Variants in SEPTIN6 observed in about 807,000 individuals in gnomAD.
The protein encoded by SEPTIN6 is septin-6.
A neutral mutation model predicts 33.6 loss-of-function variants in SEPTIN6; 8 were observed. The observed-to-expected ratio is 0.24, with a 90% CI of 0.14 to 0.43. SEPTIN6 has a LOEUF of 0.43. Ranked by LOEUF, SEPTIN6 falls within the 20% of genes least tolerant of loss-of-function variation. The probability of loss-of-function intolerance (pLI) is 1.00; values close to 1 mark genes in which losing one functional copy is unlikely to be tolerated. For synonymous variants in SEPTIN6, 131 were observed against 140.0 expected (o/e 0.94, Z 0.45); for missense variants, 250 against 340.8 (o/e 0.73, Z 2.10).
intron 2 of SEPTIN6, among the ~76,000 whole-genome samples, chrX:119,673,756 C>A (rs1217197468): frequency 9.9e-6 from 1 of 101,373 alleles, no homozygotes; most frequent in Non-Finnish European, 2.0e-5. Flanking sequence ...GCAGGAGAAT[C>A]GCTTGAACCC....
At chrX:119,691,146 C>T (rs752257133) in intron 1 of SEPTIN6, among the ~76,000 whole-genome samples, 1 of 111,437 alleles carries the variant, frequency 9.0e-6, no homozygotes, top group Non-Finnish European at 1.9e-5. Flanking sequence ...CCCTAAAGCA[C>T]CCCCTCACCC....
In SEPTIN6 at chrX:119,618,477, C is replaced by A; in HGVS notation, c.*1616G>T. 1 of 908,111 alleles carries A rather than the reference C, an allele frequency of 1.1e-6. No individual in the cohort carries two copies. The highest frequency in any genetic ancestry group is 1.4e-6 in the Non-Finnish European group (1 of 736,528). The allele number at this position is 908,111 out of a possible 1,213,427, so 74.8% of individuals were successfully genotyped here. A position where few individuals can be genotyped will look rare whatever the true frequency, so the allele number is the denominator to read the frequency against. On this transcript the variant is annotated 3_prime_UTR_variant, in exon 11 of 11. Coordinates refer to ENST00000394610, the MANE Select transcript of SEPTIN6 (RefSeq NM_145799.4). ...CCCCTTCTCAATACTTCAAAAAGGC[C>A]TGGAAATTTGGCATAACCTTGTTTG...
At position 119,619,971 on chromosome X, in the gene SEPTIN6, C is replaced by G; in HGVS notation, c.*122G>C. On this transcript the variant is annotated 3_prime_UTR_variant, in exon 11 of 11. Transcript: ENST00000394610. ...GGGCGCGGGTTGGATTGTATGCCCCCCAGGCATGTTAAGGGGGAAATTAGA... is the reference window on the plus strand; with the variant it reads ...GGGCGCGGGTTGGATTGTATGCCCCGCAGGCATGTTAAGGGGGAAATTAGA... 3.3e-6 allele frequency: 4 copies of G among 1,200,195 alleles called. No homozygotes were observed. The highest frequency in any genetic ancestry group is 3.6e-5 in the South Asian group (2 of 54,929).
At chrX:119,631,318 C>T (rs770724545) in intron 8 of SEPTIN6, among the ~76,000 whole-genome samples, 51 of 108,986 alleles carry the variant, frequency 4.7e-4, no homozygotes, top group Non-Finnish European at 8.2e-4. Flanking sequence ...GTAGCTGGGA[C>T]TACAGGCACG....
chrX:119,676,742 G>A (rs1317452631), intron 1 of SEPTIN6, among the ~76,000 whole-genome samples: 1 of 111,396 alleles, frequency 9.0e-6, no homozygotes, highest in South Asian at 3.7e-4. Flanking sequence ...CTGCACTCCC[G>A]CCCAGGTGAG....
In SEPTIN6 at chrX:119,621,730, G is replaced by A. The variant is rs779584341; in HGVS notation, c.*42-1679C>T. On this transcript the variant is annotated intron_variant, in intron 10 of 10. Transcript: ENST00000394610. Reference sequence around the variant, plus strand: ...TGGTATTGAACTCCTGACCTCGGGTGATCCTCCTGCCTCGGCCTTCCAAAG... The same window carrying A: ...TGGTATTGAACTCCTGACCTCGGGTAATCCTCCTGCCTCGGCCTTCCAAAG... Among the ~76,000 whole-genome samples the A allele has an allele frequency of 3.7e-3, 396 of 107,035 alleles. 2 individuals are homozygous for A. Among genetic ancestry groups the A allele is most frequent in the African/African-American group, 0.013 (379 of 29,227 alleles). The allele number at this position is 107,035 out of a possible 115,157, so 92.9% of individuals were successfully genotyped here. A position where few individuals can be genotyped will look rare whatever the true frequency, so the allele number is the denominator to read the frequency against.
At chrX:119,634,836 C>A (rs1201706069) in intron 7 of SEPTIN6, among the ~76,000 whole-genome samples, 2 of 108,696 alleles carry the variant, frequency 1.8e-5, no homozygotes, top group Non-Finnish European at 3.8e-5. Flanking sequence ...TGGTGAAACC[C>A]CATCTCTAAT....
chrX:119,659,729 C>T (rs2054506408), intron 3 of SEPTIN6, among the ~76,000 whole-genome samples: 1 of 111,511 alleles, frequency 9.0e-6, no homozygotes, highest in Non-Finnish European at 1.9e-5. Flanking sequence ...AATTTAAGTA[C>T]CTTGTTCAAG....
chrX:119,649,397 C>T (rs2054316684), intron 5 of SEPTIN6, among the ~76,000 whole-genome samples: 1 of 105,520 alleles, frequency 9.5e-6, no homozygotes, highest in African/African-American at 3.5e-5. Flanking sequence ...CCCAGCCAAC[C>T]CTGATATTTA....
intron 2 of SEPTIN6, among the ~76,000 whole-genome samples, chrX:119,666,906 G>T (rs2054650339): frequency 9.0e-6 from 1 of 111,155 alleles, no homozygotes; most frequent in Non-Finnish European, 1.9e-5. Context: ...TGCAAACGGG[G>T]CCAGCACCTT....
chrX:119,617,888 A>G lies in SEPTIN6; in HGVS notation c.*2205T>C, dbSNP rs1199880842. ...GGTCTCTCCAAGGCTGTGTGGGTCT[A>G]ATACTTTTGAATTATTCAGAGCTTC... On this transcript the variant is annotated 3_prime_UTR_variant, in exon 11 of 11. Transcript: ENST00000394610. 4 of 799,645 alleles carry G rather than the reference A, an allele frequency of 5.0e-6. No homozygotes were observed. In the African/African-American group the frequency reaches 8.8e-5, roughly 18 times the overall value. The allele number at this position is 799,645 out of a possible 1,213,427, so 65.9% of individuals were successfully genotyped here.
chrX:119,667,863 G>A (rs775342735), intron 2 of SEPTIN6, among the ~76,000 whole-genome samples: 1 of 111,790 alleles, frequency 8.9e-6, no homozygotes, highest in African/African-American at 3.2e-5. Context: ...GCTCCTCCAA[G>A]TGGATAGTAA....
At chrX:119,616,053 T>C, downstream of SEPTIN6, 2 of 182,779 alleles carry the variant, frequency 1.1e-5, no homozygotes, top group Admixed American at 1.4e-4. Context: ...ACATCAAAGC[T>C]CTCCCTCCAG....
At position 119,617,122 on chromosome X, in the gene SEPTIN6, G is replaced by A. The variant is rs1179996953; in HGVS notation, c.*2971C>T. The A allele has an allele frequency of 4.9e-6, 4 of 813,759 alleles. No individual in the cohort carries two copies. The highest frequency in any genetic ancestry group is 6.1e-4 in the Middle Eastern group (1 of 1,633). 67.1% of individuals were successfully genotyped at this position (813,759 alleles called of 1,213,427 possible). A position where few individuals can be genotyped will look rare whatever the true frequency, so the allele number is the denominator to read the frequency against. ...TACGTGTGTGTGTGTGTGTGTGTGT[G>A]TGTGTGTGTGTGTGTGTGTGTGTGT... On this transcript the variant is annotated 3_prime_UTR_variant, in exon 11 of 11. Coordinates refer to ENST00000394610, the MANE Select transcript of SEPTIN6 (RefSeq NM_145799.4).
At chrX:119,676,233 G>C (rs975057151) in intron 1 of SEPTIN6, among the ~76,000 whole-genome samples, 1 of 110,712 alleles carries the variant, frequency 9.0e-6, no homozygotes, top group African/African-American at 3.3e-5. Context: ...AGGCCAAGGC[G>C]GGGGGGATCA....
chrX:119,677,657 C>T (rs768591724), intron 1 of SEPTIN6, among the ~76,000 whole-genome samples: 1 of 112,436 alleles, frequency 8.9e-6, no homozygotes, highest in Admixed American at 9.4e-5. Context: ...CATTTTCACA[C>T]TGAAAGGGGT....
chrX:119,647,904 T>C (rs867411210), intron 5 of SEPTIN6, among the ~76,000 whole-genome samples: 5 of 104,256 alleles, frequency 4.8e-5, no homozygotes, highest in Middle Eastern at 4.8e-3. Context: ...CCACCTGCCT[T>C]GGCCCCCGAA....
At chrX:119,632,345 G>A (rs1037234951) in intron 8 of SEPTIN6, among the ~76,000 whole-genome samples, 4 of 109,880 alleles carry the variant, frequency 3.6e-5, no homozygotes, top group South Asian at 7.8e-4. Flanking sequence ...ACAGGCGCCC[G>A]CCACCACGCC....
At chrX:119,680,294 C>T (rs954471102) in intron 1 of SEPTIN6, among the ~76,000 whole-genome samples, 1 of 108,514 alleles carries the variant, frequency 9.2e-6, no homozygotes, top group African/African-American at 3.4e-5. Flanking sequence ...GGCACAATCT[C>T]GGCCCATGGG....
Sources: allele counts gnomAD v4.1 joint callset (sites outside exome capture counted in the v4.1 genomes callset), GRCh38; gene constraint gnomAD v4.1.1; transcripts MANE v1.5; gene names NCBI Gene and HGNC (gene_info 2026-07-23, HGNC 2026-07-21).